Variants in GABARAPL2 observed in about 807,000 individuals in gnomAD.
GABARAPL2 encodes the protein GABA type A receptor associated protein like 2.
GABARAPL2 carries 11 observed loss-of-function variants against 16.9 expected under a neutral mutation model. That is an observed-to-expected ratio of 0.65 (90% CI 0.41 to 1.08). The LOEUF (loss-of-function observed/expected upper bound fraction) is 1.08, where lower values mean the gene tolerates loss of function less well. Ranked by LOEUF, GABARAPL2 falls within the 50% of genes least tolerant of loss-of-function variation. GABARAPL2 has a pLI of 0.00. For synonymous variants in GABARAPL2, 57 were observed against 50.7 expected (o/e 1.12, Z -0.53); for missense variants, 134 against 142.5 (o/e 0.94, Z 0.30).
chr16:75,571,878 T>C (rs1210528870), intron 3 of GABARAPL2, among the ~76,000 whole-genome samples: 1 of 151,968 alleles, frequency 6.6e-6, no homozygotes. Context: ...GGTTTTACCA[T>C]GTTGGCCAGG....
intron 3 of GABARAPL2, among the ~76,000 whole-genome samples, chr16:75,575,295 A>G (rs970604618): frequency 4.1e-5 from 6 of 146,932 alleles, no homozygotes; most frequent in African/African-American, 1.5e-4. Context: ...AACAGTTGAA[A>G]TTAATTTTTT....
intron 3 of GABARAPL2, chr16:75,568,472 G>A: frequency 3.3e-6 from 1 of 303,050 alleles, no homozygotes. Context: ...TTTTAAAACG[G>A]TTGAGAACTT....
At chr16:75,575,948 C>T (rs1309353814) in intron 3 of GABARAPL2, 1 of 152,200 alleles carries the variant, frequency 6.6e-6, no homozygotes, top group Admixed American at 6.5e-5. Flanking sequence ...ATGTTTTACA[C>T]TGCACATCCC....
intron 2 of GABARAPL2, among the ~76,000 whole-genome samples, chr16:75,567,296 A>G (rs1426354440): frequency 6.6e-6 from 1 of 152,166 alleles, no homozygotes; most frequent in East Asian, 1.9e-4. Context: ...CTTTGTCTCC[A>G]TCTTTACCTA....
chr16:75,566,447 CG>C lies in GABARAPL2; in HGVS notation c.-38del. 2.0e-6 allele frequency: 3 copies of C among 1,496,124 alleles called. No individual in the cohort carries two copies. The highest frequency in any genetic ancestry group is 1.9e-4 in the Middle Eastern group (1 of 5,296). 92.7% of individuals were successfully genotyped at this position (1,496,124 alleles called of 1,614,324 possible). ...GTTGTGCTCGGTGCGCTGAGCTCCG[CG>C]GCTCCGCGAGCCGGTTCCGTCCCCT... On this transcript the variant is annotated 5_prime_UTR_variant, in exon 1 of 4. Transcript: ENST00000037243.
intron 1 of GABARAPL2, 41 bp from the exon 2 acceptor site, chr16:75,566,811 T>A (rs764743547): frequency 1.9e-6 from 3 of 1,583,106 alleles, no homozygotes; most frequent in Non-Finnish European, 1.7e-6. Flanking sequence ...AACCGACCGG[T>A]GGGCAGGCGC....
chr16:75,566,437 C>A lies in GABARAPL2; in HGVS notation c.-50C>A. ...CGTCGTTGTTGTTGTGCTCGGTGCGCTGAGCTCCGCGGCTCCGCGAGCCGG... is the reference window on the plus strand; with the variant it reads ...CGTCGTTGTTGTTGTGCTCGGTGCGATGAGCTCCGCGGCTCCGCGAGCCGG... On this transcript the variant is annotated 5_prime_UTR_variant, in exon 1 of 4. The change creates a new upstream start codon in the 5' untranslated region. Coordinates refer to ENST00000037243, the MANE Select transcript of GABARAPL2 (RefSeq NM_007285.7). 1 of 1,420,796 alleles carries A rather than the reference C, an allele frequency of 7.0e-7. No individual in the cohort carries two copies. The highest frequency in any genetic ancestry group is 9.8e-7 in the Non-Finnish European group (1 of 1,017,056). The allele number at this position is 1,420,796 out of a possible 1,614,324, so 88.0% of individuals were successfully genotyped here.
At chr16:75,572,834 G>A (rs1357027593) in intron 3 of GABARAPL2, 1 of 152,286 alleles carries the variant, frequency 6.6e-6, no homozygotes, top group African/African-American at 2.4e-5. Context: ...TGTACTCAGA[G>A]CAGCATCTTT....
chr16:75,572,174 G>A (rs1178165140), intron 3 of GABARAPL2: 1 of 152,076 alleles, frequency 6.6e-6, no homozygotes, highest in Non-Finnish European at 1.5e-5. Context: ...ACAAAAAAAG[G>A]AACAACAACC....
At chr16:75,574,945 C>A (rs1056904445) in intron 3 of GABARAPL2, among the ~76,000 whole-genome samples, 7 of 152,006 alleles carry the variant, frequency 4.6e-5, no homozygotes, top group Non-Finnish European at 8.8e-5. Flanking sequence ...AGACATGAGA[C>A]TTGTTTGAAC....
chr16:75,575,729 G>A (rs910766763), intron 3 of GABARAPL2: 2 of 152,202 alleles, frequency 1.3e-5, no homozygotes, highest in Middle Eastern at 3.2e-3. Context: ...GGGATTACAG[G>A]TGTGAGCCAC....
In GABARAPL2 at chr16:75,577,314, A is replaced by G. The variant is rs775195473; in HGVS notation, c.299A>G (p.Asp100Gly). The change falls in exon 4 of 4, where the codon GAT becomes GGT. Residue 100 changes from aspartate (D) to glycine (G), a missense_variant. Physicochemically the swap from Asp to Gly is moderately conservative, Grantham distance 94. Coordinates refer to ENST00000037243, the MANE Select transcript of GABARAPL2 (RefSeq NM_007285.7). ...TMGQLYEKEK[D>G]EDGFLYVAYS... ...GGACAGCTTTACGAGAAGGAAAAAGATGAAGATGGATTCTTATATGTGGCC... is the reference window on the plus strand; with the variant it reads ...GGACAGCTTTACGAGAAGGAAAAAGGTGAAGATGGATTCTTATATGTGGCC... 1 of 1,612,926 alleles carries G rather than the reference A, an allele frequency of 6.2e-7. No individual in the cohort carries two copies. Among genetic ancestry groups the G allele is most frequent in the Non-Finnish European group, 8.5e-7 (1 of 1,178,874 alleles).
chr16:75,574,476 A>G (rs1446243795), intron 3 of GABARAPL2, among the ~76,000 whole-genome samples: 1 of 152,180 alleles, frequency 6.6e-6, no homozygotes, highest in Non-Finnish European at 1.5e-5. Flanking sequence ...CAAATGGGGT[A>G]AAGAGTTGTG....
rs1169038298 is a variant in GABARAPL2, at chr16:75,568,055, T to G, written c.109T>G (p.Ser37Ala). ...DRVPVIVEKVSGSQIVDIDKR... is the reference protein window; with the variant it reads ...DRVPVIVEKVAGSQIVDIDKR... ...TTCCCAGGTGATTGTGGAAAAGGTC[T>G]CAGGCTCTCAGATTGTTGACATTGA... Residue 37 changes from serine (S) to alanine (A), a missense_variant, in exon 3 of 4, where the codon TCA (serine) becomes GCA (alanine). By Grantham distance (99) the Ser-to-Ala change is moderately conservative (BLOSUM62 1). Coordinates refer to ENST00000037243, the MANE Select transcript of GABARAPL2 (RefSeq NM_007285.7). 6.2e-7 allele frequency: 1 copy of G among 1,607,426 alleles called. No homozygotes were observed. The highest frequency in any genetic ancestry group is 1.7e-5 in the Admixed American group (1 of 59,932).
chr16:75,566,991 A>G (rs2080887938), intron 2 of GABARAPL2, 84 bp downstream of exon 2: 3 of 1,188,746 alleles, frequency 2.5e-6, no homozygotes, highest in Non-Finnish European at 2.5e-6. Context: ...TCAACAGTTG[A>G]CAAGTTGAGG....
At chr16:75,566,734 C>T (rs1443878195) in intron 1 of GABARAPL2, 118 bp from the exon 2 acceptor site, 2 of 1,087,500 alleles carry the variant, frequency 1.8e-6, no homozygotes, top group South Asian at 1.3e-5. Context: ...GACCGCGGCC[C>T]CGGGGACGCC....
intron 3 of GABARAPL2, among the ~76,000 whole-genome samples, chr16:75,574,445 A>C (rs1024585317): frequency 6.6e-6 from 1 of 152,198 alleles, no homozygotes; most frequent in African/African-American, 2.4e-5. Context: ...GTTGTCATCA[A>C]GATCACCCTG....
chr16:75,569,033 A>G (rs1269065814), intron 3 of GABARAPL2, among the ~76,000 whole-genome samples: 1 of 152,152 alleles, frequency 6.6e-6, no homozygotes, highest in African/African-American at 2.4e-5. Flanking sequence ...GACCCAATCT[A>G]GGTTTCATTT....
chr16:75,566,437 C>T lies in GABARAPL2; in HGVS notation c.-50C>T, dbSNP rs1367446283. On this transcript the variant is annotated 5_prime_UTR_variant, in exon 1 of 4. Transcript: ENST00000037243. ...CGTCGTTGTTGTTGTGCTCGGTGCG[C>T]TGAGCTCCGCGGCTCCGCGAGCCGG... 1.9e-5 allele frequency: 27 copies of T among 1,420,690 alleles called. No homozygotes were observed. The highest frequency in any genetic ancestry group is 2.9e-5 in the African/African-American group (2 of 68,700). 88.0% of individuals were successfully genotyped at this position (1,420,690 alleles called of 1,614,324 possible).
Sources: gnomAD v4.1 joint callset for allele counts (sites outside exome capture counted in the v4.1 genomes callset) on GRCh38, gnomAD v4.1.1 for gene constraint, MANE v1.5 for transcripts, NCBI Gene and HGNC (gene_info 2026-07-23, HGNC 2026-07-21) for gene names.